Variants in COL9A3 observed in about 807,000 individuals in gnomAD.
COL9A3 encodes the protein collagen type IX alpha 3 chain.
A neutral mutation model predicts 110.2 loss-of-function variants in COL9A3; 82 were observed. The observed-to-expected ratio is 0.74, with a 90% confidence interval of 0.62 to 0.89. The LOEUF is 0.89. Among genes scored for constraint, COL9A3 ranks in the 40% least tolerant of loss-of-function variants. COL9A3 has a pLI of 0.00. For synonymous variants in COL9A3, 494 were observed against 403.8 expected (o/e 1.22, Z -2.68); for missense variants, 1,066 against 981.3 (o/e 1.09, Z -1.15).
rs920852220 is a variant in COL9A3, at chr20:62,837,032, C to T, written c.1604-51C>T. The T allele has an allele frequency of 2.5e-6, 4 of 1,599,600 alleles. No homozygotes were observed. In the African/African-American group the frequency reaches 5.4e-5, roughly 21 times the overall value. ...ATATTTTATGCTTTACGTAACAATA[C>T]TTCTGATGATCCTCTCTCGAGTAAA... is the stretch of plus-strand genomic sequence containing the variant. On this transcript the variant is annotated intron_variant, in intron 29 of 31. Coordinates refer to ENST00000649368, the MANE Select transcript of COL9A3 (RefSeq NM_001853.4).
At position 62,824,463 on chromosome 20, in the gene COL9A3, C is replaced by T; in HGVS notation, c.538C>T (p.Pro180Ser). The change falls in exon 11 of 32, where the codon CCA becomes TCA. Residue 180 changes from proline (P) to serine (S), a missense_variant. Pro to Ser is a moderately conservative substitution (Grantham distance 74). Transcript: ENST00000649368. ...CCGACAGTGCCCAAGTATCTGCCCG[C>T]CAGGTCCCCCAGGGCCCCCTGGAAT... is the stretch of plus-strand genomic sequence containing the variant. ...TDLQCPSICP[P>S]GPPGPPGMPG... 1 of 1,599,896 alleles carries T rather than the reference C, an allele frequency of 6.3e-7. No individual in the cohort carries two copies. The highest frequency in any genetic ancestry group is 8.5e-7 in the Non-Finnish European group (1 of 1,173,228).
chr20:62,827,830 A>G, intron 16 of COL9A3, 93 bp from the exon 17 acceptor site: 1 of 1,381,160 alleles, frequency 7.2e-7, no homozygotes, highest in South Asian at 1.2e-5. Flanking sequence ...TGCCCACCAT[A>G]GCTCCTTGGT....
intron 10 of COL9A3, among the ~76,000 whole-genome samples, chr20:62,823,884 G>T (rs1316403726): frequency 1.3e-5 from 2 of 152,236 alleles, no homozygotes; most frequent in Non-Finnish European, 2.9e-5. Flanking sequence ...CCGTGGGGCC[G>T]GCTGCTCCAT....
rs2063672531 is a variant in COL9A3, at chr20:62,840,807, A to G, written c.*75A>G. ...GGTCATGAAGGAGCGGGGGTGTGGC[A>G]GGCGGGTGACGTCCAGGAGAGGGAG... On this transcript the variant is annotated 3_prime_UTR_variant, in exon 32 of 32. Transcript: ENST00000649368. The G allele has an allele frequency of 6.6e-7, 1 of 1,522,640 alleles. No homozygotes were observed. The highest frequency in any genetic ancestry group is 1.4e-5 in the African/African-American group (1 of 72,494). The allele number at this position is 1,522,640 out of a possible 1,614,324, so 94.3% of individuals were successfully genotyped here. A position where few individuals can be genotyped will look rare whatever the true frequency, so the allele number is the denominator to read the frequency against.
At chr20:62,824,932 G>T in intron 11 of COL9A3, 36 bp from the exon 12 acceptor site, 2 of 1,595,554 alleles carry the variant, frequency 1.3e-6, no homozygotes, top group South Asian at 1.1e-5. Context: ...GTGTCGGGGG[G>T]TCTGGGTGGG....
intron 7 of COL9A3, 102 bp downstream of exon 7, chr20:62,821,632 G>A (rs2063513870): frequency 6.3e-7 from 1 of 1,579,718 alleles, no homozygotes; most frequent in South Asian, 1.1e-5. Context: ...GGCTTCTCAG[G>A]GGCAGCCATC....
chr20:62,826,706 C>G, intron 14 of COL9A3, 61 bp from the exon 15 acceptor site: 1 of 1,592,668 alleles, frequency 6.3e-7, no homozygotes, highest in Non-Finnish European at 8.6e-7. Flanking sequence ...TGAGGGAGCA[C>G]TGGGGGGATG....
At chr20:62,820,967 G>A (rs940412207) in intron 5 of COL9A3, among the ~76,000 whole-genome samples, 1 of 152,176 alleles carries the variant, frequency 6.6e-6, no homozygotes, top group Non-Finnish European at 1.5e-5. Flanking sequence ...TGCAGCGAGC[G>A]CTGGGACTCT....
intron 19 of COL9A3, 86 bp from the exon 20 acceptor site, chr20:62,829,369 G>A: frequency 6.4e-7 from 1 of 1,571,934 alleles, no homozygotes; most frequent in Non-Finnish European, 8.7e-7. Context: ...TCTGGCCCCT[G>A]CACCCTGCCT....
intron 11 of COL9A3, 92 bp from the exon 12 acceptor site, chr20:62,824,876 G>A (rs1237795661): frequency 2.6e-5 from 35 of 1,356,630 alleles, no homozygotes; most frequent in Non-Finnish European, 1.0e-6. Flanking sequence ...GCGGGCCCTG[G>A]GCTGACTGAC....
chr20:62,828,639 C>T (rs1488924189), intron 17 of COL9A3, 125 bp from the exon 18 acceptor site: 4 of 1,106,306 alleles, frequency 3.6e-6, no homozygotes, highest in Non-Finnish European at 5.4e-6. Context: ...AACCAGATAA[C>T]TGCCAGGGTG....
At chr20:62,835,383 C>T (rs950046373) in intron 26 of COL9A3, among the ~76,000 whole-genome samples, 1 of 152,248 alleles carries the variant, frequency 6.6e-6, no homozygotes, top group African/African-American at 2.4e-5. Flanking sequence ...CCCAACCCAT[C>T]CTTTTCATGA....
At chr20:62,829,904 C>A (rs931101468) in intron 22 of COL9A3, 85 bp downstream of exon 22, 1 of 1,489,500 alleles carries the variant, frequency 6.7e-7, no homozygotes, top group Non-Finnish European at 9.0e-7. Flanking sequence ...GCCGGGGTGG[C>A]ATTTGGTTGC....
chr20:62,824,166 ACC>A (rs2063531562), intron 10 of COL9A3, among the ~76,000 whole-genome samples: 1 of 110,136 alleles, frequency 9.1e-6, no homozygotes, highest in African/African-American at 3.6e-5. Flanking sequence ...GGGTCCTGTC[ACC>A]CAGAGTGTCC....
rs1387470280 is a variant in COL9A3 at position 62,827,226 on chromosome 20, C to T, written c.793-15C>T. On this transcript the variant is annotated splice_polypyrimidine_tract_variant and intron_variant, in intron 15 of 31. Transcript: ENST00000649368. ...TGGTGTTAACTCTGTCCCTGCCCCA[C>T]CTCATCCTTTCCAGGGTGACCGAGG... The T allele has an allele frequency of 3.1e-6, 5 of 1,613,038 alleles. No homozygotes were observed. Among genetic ancestry groups the T allele is most frequent in the Non-Finnish European group, 4.2e-6 (5 of 1,179,886 alleles).
At position 62,821,793 on chromosome 20, in the gene COL9A3, G is replaced by A. The variant is rs145035835; in HGVS notation, c.406G>A (p.Gly136Ser). Reference sequence around the variant, plus strand: ...AGTGAGCGGCCCCCCAGGTGGGATCGGCCTCCGCGGCCCCCCGGTGAGTGG... The same window carrying A: ...AGTGAGCGGCCCCCCAGGTGGGATCAGCCTCCGCGGCCCCCCGGTGAGTGG... ...AGVSGPPGGI[G>S]LRGPPGPSGL... is the part of the protein sequence containing the mutation. The change falls in exon 8 of 32, where the codon GGC (glycine) becomes AGC (serine). Residue 136 changes from glycine to serine, a missense_variant. Transcript: ENST00000649368. 1.4e-5 allele frequency: 22 copies of A among 1,606,834 alleles called. No homozygotes were observed. The Admixed American group carries it at 1.5e-4, about 11-fold the overall frequency.
chr20:62,822,537 G>A (rs141404962), intron 9 of COL9A3, 54 bp from the exon 10 acceptor site: 2 of 1,596,044 alleles, frequency 1.3e-6, no homozygotes, highest in Non-Finnish European at 1.7e-6. Context: ...GGGTTGGGTG[G>A]CTGCAGGTGG....
chr20:62,840,489 C>T lies in COL9A3; in HGVS notation c.1865-53C>T, dbSNP rs1180494028. ...TTGCCCACAGCTGGATGTCAAGTCC[C>T]CCTGCTTTCAGTCCGGGCTGCAGCT... is the stretch of plus-strand genomic sequence containing the variant. On this transcript the variant is annotated intron_variant, in intron 31 of 31. Coordinates refer to ENST00000649368, the MANE Select transcript of COL9A3 (RefSeq NM_001853.4). The T allele has an allele frequency of 7.9e-6, 12 of 1,525,226 alleles. No individual in the cohort carries two copies. The East Asian group carries it at 2.7e-4, about 34-fold the overall frequency. The allele number at this position is 1,525,226 out of a possible 1,614,324, so 94.5% of individuals were successfully genotyped here.
intron 16 of COL9A3, 99 bp downstream of exon 16, chr20:62,827,393 C>G: frequency 7.9e-7 from 1 of 1,269,138 alleles, no homozygotes; most frequent in Non-Finnish European, 1.1e-6. Context: ...GGGAGTGAGA[C>G]TGCAAGGGGC....
Sources: allele counts gnomAD v4.1 joint callset (sites outside exome capture counted in the v4.1 genomes callset), GRCh38; gene constraint gnomAD v4.1.1; transcripts MANE v1.5; gene names NCBI Gene and HGNC (gene_info 2026-07-23, HGNC 2026-07-21).